Variants in LPCAT1 observed in about 807,000 individuals in gnomAD.
The protein encoded by LPCAT1 is 1-acylglycerol-3-phosphate O-acyltransferase.
LPCAT1 carries 23 observed loss-of-function variants against 60.9 expected under a neutral mutation model. The ratio of observed to expected loss-of-function variants is 0.38; its 90% CI spans 0.27 to 0.53. LPCAT1 has a LOEUF of 0.53. Among genes scored for constraint, LPCAT1 ranks in the 20% least tolerant of loss-of-function variants. LPCAT1 has a pLI of 0.82. For missense variants in LPCAT1, 622 were observed against 723.6 expected (o/e 0.86, Z 1.61); for synonymous variants, 340 against 301.1 (o/e 1.13, Z -1.34).
rs1735257176 is a variant in LPCAT1, at chr5:1,483,741, C to CAA, written c.668-256_668-255insTT. 6.6e-6 allele frequency among the ~76,000 whole-genome samples: 1 copy of CAA among 151,538 alleles called. No individual in the cohort carries two copies. Among genetic ancestry groups the CAA allele is most frequent in the Non-Finnish European group, 1.5e-5 (1 of 67,760 alleles). On this transcript the variant is annotated intron_variant, in intron 5 of 13. Coordinates refer to ENST00000283415, the MANE Select transcript of LPCAT1 (RefSeq NM_024830.5). This position sits in a 1 kb window ranked among gnomAD's most constrained non-coding sequence, Gnocchi z 9.2. ...ACACTTTCTGTTTTAACATCGCGCA[C>CAA]GAGCTGGAAGGCGTCTGTGGAGGGA... is the stretch of plus-strand genomic sequence containing the variant.
At chr5:1,501,415 G>A (rs758786376) in intron 2 of LPCAT1, 46 bp downstream of exon 2, 13 of 1,564,206 alleles carry the variant, frequency 8.3e-6, no homozygotes, top group Admixed American at 3.8e-5. Context: ...CTGTTTGGCC[G>A]CGTGACCCCC....
At chr5:1,518,393 T>G (rs1397822905) in intron 1 of LPCAT1, among the ~76,000 whole-genome samples, 3 of 152,180 alleles carry the variant, frequency 2.0e-5, no homozygotes, top group African/African-American at 7.2e-5. Flanking sequence ...CAGGCTGGAG[T>G]GCAGTGGTGC....
intron 1 of LPCAT1, among the ~76,000 whole-genome samples, chr5:1,520,623 G>A (rs1736641021): frequency 1.3e-5 from 2 of 152,232 alleles, no homozygotes; most frequent in African/African-American, 2.4e-5. Context: ...CACTTTGGGA[G>A]GCCGAGGCGG....
In LPCAT1 at chr5:1,509,528, C is replaced by A. The variant is rs143837639; in HGVS notation, c.136-7925G>T. Among the ~76,000 whole-genome samples the A allele has an allele frequency of 7.2e-3, 1,090 of 152,246 alleles. 17 individuals are homozygous for A. The highest frequency in any genetic ancestry group is 0.024 in the African/African-American group (1,007 of 41,522). On this transcript the variant is annotated intron_variant, in intron 1 of 13. Coordinates refer to ENST00000283415, the MANE Select transcript of LPCAT1 (RefSeq NM_024830.5). ...CTCTCAGGCATCCCATCGGACGGAG[C>A]CGGCACTTCCATCAGCAAACACCAC...
rs554280939 is a variant in LPCAT1, at chr5:1,476,390, A to T, written c.899+1014T>A. On this transcript the variant is annotated intron_variant, in intron 9 of 13. Coordinates refer to ENST00000283415, the MANE Select transcript of LPCAT1 (RefSeq NM_024830.5). The surrounding 1 kb of genome is among the most constrained non-coding windows in gnomAD (Gnocchi z 8.6). ...GGACACATGCTTTGGGAGGGAGAGG[A>T]TGGGAACGTGAGGGAACGGGCCGCC... Among the ~76,000 whole-genome samples the T allele has an allele frequency of 6.6e-6, 1 of 151,782 alleles. No individual in the cohort carries two copies. Among genetic ancestry groups the T allele is most frequent in the East Asian group, 2.0e-4 (1 of 5,128 alleles).
chr5:1,499,195 T>C (rs1735916788), intron 2 of LPCAT1, among the ~76,000 whole-genome samples: 1 of 152,238 alleles, frequency 6.6e-6, no homozygotes, highest in Non-Finnish European at 1.5e-5. Context: ...AGGGTTAGCA[T>C]GGGGAAACGG....
chr5:1,477,351 C>G lies in LPCAT1; in HGVS notation c.899+53G>C. On this transcript the variant is annotated intron_variant, in intron 9 of 13. Transcript: ENST00000283415. The surrounding 1 kb of genome is among the most constrained non-coding windows in gnomAD (Gnocchi z 6.0). ...CCTATTTTAAATATACAGAGAGCAG[C>G]ACTCTGGGAGACACCCCTGACTCGG... The G allele has an allele frequency of 7.0e-7, 1 of 1,423,536 alleles. No individual in the cohort carries two copies. The highest frequency in any genetic ancestry group is 1.2e-5 in the South Asian group (1 of 86,524). The allele number at this position is 1,423,536 out of a possible 1,614,324, so 88.2% of individuals were successfully genotyped here.
At chr5:1,486,545 G>C (rs1579781601) in intron 5 of LPCAT1, among the ~76,000 whole-genome samples, 1 of 152,118 alleles carries the variant, frequency 6.6e-6, no homozygotes, top group African/African-American at 2.4e-5. Flanking sequence ...GGTCTGAGTG[G>C]GTGGGCCGCC....
chr5:1,471,488 C>G (rs951249579), intron 11 of LPCAT1, among the ~76,000 whole-genome samples: 1 of 152,196 alleles, frequency 6.6e-6, no homozygotes, highest in African/African-American at 2.4e-5. Flanking sequence ...GTCTGCACTT[C>G]TGATGACGAT....
chr5:1,517,431 G>A (rs921301343), intron 1 of LPCAT1, among the ~76,000 whole-genome samples: 2 of 152,206 alleles, frequency 1.3e-5, no homozygotes, highest in South Asian at 2.1e-4. Context: ...AGCACAGGGC[G>A]CCTTCTCAGA....
rs1735257988 is a variant in LPCAT1, at chr5:1,483,748, G to A, written c.668-262C>T. On this transcript the variant is annotated intron_variant, in intron 5 of 13. Coordinates refer to ENST00000283415, the MANE Select transcript of LPCAT1 (RefSeq NM_024830.5). The surrounding 1 kb of genome is among the most constrained non-coding windows in gnomAD (Gnocchi z 9.2). ...CTGTTTTAACATCGCGCACGAGCTG[G>A]AAGGCGTCTGTGGAGGGACACTTGC... Among the ~76,000 whole-genome samples the A allele has an allele frequency of 6.6e-6, 1 of 151,478 alleles. No homozygotes were observed. The highest frequency in any genetic ancestry group is 1.5e-5 in the Non-Finnish European group (1 of 67,730).
rs60714923 is a variant in LPCAT1, at chr5:1,484,908, T to C, written c.668-1422A>G. ...ATGCAGTTCACCCAGCACTTCTGTG[T>C]GCCCAGGTGGACGGGTGGCTGTGTC... On this transcript the variant is annotated intron_variant, in intron 5 of 13. Transcript: ENST00000283415. Among the ~76,000 whole-genome samples, 464 of 152,272 alleles carry C rather than the reference T, an allele frequency of 3.0e-3. 3 individuals are homozygous for C. The highest frequency in any genetic ancestry group is 0.011 in the African/African-American group (444 of 41,542).
chr5:1,484,482 C>A (rs1735295985), intron 5 of LPCAT1, among the ~76,000 whole-genome samples: 1 of 152,214 alleles, frequency 6.6e-6, no homozygotes, highest in Non-Finnish European at 1.5e-5. Flanking sequence ...TGCCTGGCGA[C>A]CTGAGGCCAG....
chr5:1,523,782 A>C lies in LPCAT1; in HGVS notation c.63T>G (p.Ala21=), dbSNP rs1215787999. 3 of 1,146,996 alleles carry C rather than the reference A, an allele frequency of 2.6e-6. No homozygotes were observed. The highest frequency in any genetic ancestry group is 3.2e-6 in the Non-Finnish European group (3 of 931,570). 71.1% of individuals were successfully genotyped at this position (1,146,996 alleles called of 1,614,324 possible). A position where few individuals can be genotyped will look rare whatever the true frequency, so the allele number is the denominator to read the frequency against. The change falls in exon 1 of 14, where the codon GCT becomes GCG. Residue 21 remains alanine (A), a synonymous_variant. Transcript: ENST00000283415. The surrounding 1 kb of genome is among the most constrained non-coding windows in gnomAD (Gnocchi z 7.1). The part of the protein sequence containing the change: ...APASSAGASD[A]RLLAPPGRNP... Reference sequence around the variant, plus strand: ...TCCGCCCCGGGGGCGCCAGCAGCCGAGCGTCGCTGGCCCCTGCGCTGGAGG... The same window carrying C: ...TCCGCCCCGGGGGCGCCAGCAGCCGCGCGTCGCTGGCCCCTGCGCTGGAGG...
rs1735510333 is a variant in LPCAT1, at chr5:1,489,877, G to A, written c.494-19C>T. On this transcript the variant is annotated intron_variant, in intron 3 of 13. Coordinates refer to ENST00000283415, the MANE Select transcript of LPCAT1 (RefSeq NM_024830.5). The stretch of plus-strand genomic sequence containing the variant: ...ATCAGAGCTGGAAGAGAGGAGGGGA[G>A]ACGGATCACGTGGAATGCACGGCTC... 1 of 1,553,516 alleles carries A rather than the reference G, an allele frequency of 6.4e-7. No homozygotes were observed. The highest frequency in any genetic ancestry group is 8.9e-7 in the Non-Finnish European group (1 of 1,124,914).
chr5:1,480,941 C>T lies in LPCAT1; in HGVS notation c.761+1G>A. 2 of 1,613,878 alleles carry T rather than the reference C, an allele frequency of 1.2e-6. No individual in the cohort carries two copies. The highest frequency in any genetic ancestry group is 1.7e-6 in the Non-Finnish European group (2 of 1,180,004). On this transcript the variant is annotated splice_donor_variant, in intron 7 of 13. Coordinates refer to ENST00000283415, the MANE Select transcript of LPCAT1 (RefSeq NM_024830.5). LOFTEE classifies it high-confidence loss of function. The surrounding 1 kb of genome is among the most constrained non-coding windows in gnomAD (Gnocchi z 6.4). ...AGAGGACGACACGGCGTTCAACTTA[C>T]GCTCCAGGTCCTTGCCACGTCCATG...
At chr5:1,516,828 C>T (rs1736519810) in intron 1 of LPCAT1, among the ~76,000 whole-genome samples, 1 of 152,160 alleles carries the variant, frequency 6.6e-6, no homozygotes, top group Non-Finnish European at 1.5e-5. Flanking sequence ...GGTTAGAGGG[C>T]CACCAGTCAC....
chr5:1,503,391 G>A lies in LPCAT1; in HGVS notation c.136-1788C>T, dbSNP rs73731799. Among the ~76,000 whole-genome samples the A allele has an allele frequency of 1.2e-3, 179 of 152,290 alleles. 2 individuals are homozygous for A. Among genetic ancestry groups the A allele is most frequent in the African/African-American group, 3.7e-3 (153 of 41,548 alleles). On this transcript the variant is annotated intron_variant, in intron 1 of 13. Transcript: ENST00000283415. ...TTTTGTTTTGCTTTAAATCATGAAC[G>A]GGTGCTGAGCTTTATCAGAGGTGCT...
chr5:1,504,502 C>T (rs963740695), intron 1 of LPCAT1, among the ~76,000 whole-genome samples: 7 of 152,114 alleles, frequency 4.6e-5, no homozygotes, highest in Non-Finnish European at 1.5e-5. Flanking sequence ...GGATCGCCTG[C>T]GGTCGGGAGT....
Sources: gnomAD v4.1 joint callset for allele counts (sites outside exome capture counted in the v4.1 genomes callset) on GRCh38, gnomAD v4.1.1 for gene constraint, Gnocchi (gnomAD v3.1) non-coding constraint, MANE v1.5 for transcripts, NCBI Gene and HGNC (gene_info 2026-07-23, HGNC 2026-07-21) for gene names.